Variants in MAP3K11 observed in about 807,000 individuals in gnomAD.
The protein encoded by MAP3K11 is SH3 domain-containing proline-rich kinase.
In MAP3K11, 46 loss-of-function variants were observed where a neutral mutation model predicts 84.9. That is an observed-to-expected ratio of 0.54 (90% CI 0.43 to 0.69). The LOEUF (loss-of-function observed/expected upper bound fraction) is 0.69. Among genes scored for constraint, MAP3K11 ranks in the 30% least tolerant of loss-of-function variants. MAP3K11 has a pLI of 0.00. For missense variants in MAP3K11, 1,053 were observed against 1,198.3 expected, an observed-to-expected ratio of 0.88 and a Z score of 1.79; for synonymous variants, 527 against 514.7, an observed-to-expected ratio of 1.02 and a Z score of -0.32.
In MAP3K11 at chr11:65,599,590, C is replaced by G. The variant is rs1854430513; in HGVS notation, c.2010G>C (p.Glu670Asp). The change falls in exon 9 of 10, where the codon GAG (glutamate) becomes GAC (aspartate). Residue 670 changes from glutamate to aspartate, a missense_variant. By Grantham distance (45) the Glu-to-Asp change is conservative. Coordinates refer to ENST00000309100, the MANE Select transcript of MAP3K11 (RefSeq NM_002419.4). ...DLQPPGGPGR[E>D]RGESPTTPPT... ...GGGGTGTTGTCGGGGACTCCCCGCG[C>G]TCGCGTCCTGGGCCTCCCGGCGGCT... 6.6e-6 allele frequency: 10 copies of G among 1,523,334 alleles called. No individual in the cohort carries two copies. The East Asian group carries it at 2.5e-4, about 38-fold the overall frequency. The allele number at this position is 1,523,334 out of a possible 1,614,324, so 94.4% of individuals were successfully genotyped here.
chr11:65,599,692 C>T lies in MAP3K11; in HGVS notation c.1908G>A (p.Gly636=), dbSNP rs910636137. 3 of 1,569,552 alleles carry T rather than the reference C, an allele frequency of 1.9e-6. No homozygotes were observed. The highest frequency in any genetic ancestry group is 2.6e-6 in the Non-Finnish European group (3 of 1,164,662). ...PVPAERGSSS[G]TPKLIQRALL... ...GCGCCCGCTGGATCAGCTTGGGCGT[C>T]CCAGAGCTGCTACCGCGCTCTGCGG... is the stretch of plus-strand genomic sequence containing the variant. The change falls in exon 9 of 10, where the codon GGG becomes GGA. Residue 636 remains glycine (G), a synonymous_variant. Coordinates refer to ENST00000309100, the MANE Select transcript of MAP3K11 (RefSeq NM_002419.4).
At chr11:65,601,755 C>CAA (rs34686164) in intron 8 of MAP3K11, among the ~76,000 whole-genome samples, 9 of 125,996 alleles carry the variant, frequency 7.1e-5, no homozygotes, top group African/African-American at 2.5e-4. Context: ...GACTCCGTCT[C>CAA]AAAAAAAAAA....
chr11:65,603,564 C>T (rs542251581), intron 8 of MAP3K11, among the ~76,000 whole-genome samples: 18 of 152,344 alleles, frequency 1.2e-4, no homozygotes, highest in Non-Finnish European at 1.9e-4. Flanking sequence ...TGGCTTATGC[C>T]GGGGACCATC....
chr11:65,602,137 AG>A (rs1854462445), intron 8 of MAP3K11, among the ~76,000 whole-genome samples: 1 of 140,476 alleles, frequency 7.1e-6, no homozygotes, highest in Admixed American at 7.5e-5. Context: ...CAGGAGGCGG[AG>A]GTTACAGTGA....
Position 65,598,192 on chromosome 11 carries a change from G to T in MAP3K11, c.*99C>A. The stretch of plus-strand genomic sequence containing the variant: ...CCCAAAGGGGGGTGGGGTCCCTGGG[G>T]AAACTGAGGCAGCTGCAGAGGCTGA... On this transcript the variant is annotated 3_prime_UTR_variant, in exon 10 of 10. Coordinates refer to ENST00000309100, the MANE Select transcript of MAP3K11 (RefSeq NM_002419.4). 9.3e-7 allele frequency: 1 copy of T among 1,071,730 alleles called. No homozygotes were observed. Among genetic ancestry groups the T allele is most frequent in the Non-Finnish European group, 1.2e-6 (1 of 806,496 alleles). 66.4% of individuals were successfully genotyped at this position (1,071,730 alleles called of 1,614,324 possible).
intron 8 of MAP3K11, among the ~76,000 whole-genome samples, chr11:65,604,956 T>G (rs1418366614): frequency 6.6e-6 from 1 of 152,170 alleles, no homozygotes; most frequent in Admixed American, 6.5e-5. Flanking sequence ...GCTGGAGCCC[T>G]GCCTTCTGCC....
In MAP3K11 at chr11:65,607,463, C is replaced by A; in HGVS notation, c.1296G>T (p.Arg432=). ...GCCGCCGCAGCTGCTCCGCCTGTGA[C>A]CGCTGCTCGCGCGCCGCTCGCGTCA... ...EELTRAAREQ[R]SQAEQLRRRE... is the part of the protein sequence containing the mutation. Residue 432 remains arginine, a synonymous_variant, in exon 5 of 10, where the codon CGG becomes CGT. Transcript: ENST00000309100. 6.4e-7 allele frequency: 1 copy of A among 1,552,904 alleles called. No homozygotes were observed. The highest frequency in any genetic ancestry group is 1.9e-5 in the Admixed American group (1 of 51,642).
chr11:65,606,788 G>A lies in MAP3K11; in HGVS notation c.1506C>T (p.Ile502=). The A allele has an allele frequency of 6.2e-7, 1 of 1,605,822 alleles. No individual in the cohort carries two copies. The highest frequency in any genetic ancestry group is 8.5e-7 in the Non-Finnish European group (1 of 1,175,938). ...ISMPLDFKHR[I]TVQASPGLDR... Reference sequence around the variant, plus strand: ...CAAGGCCGGGTGAGGCCTGCACGGTGATGCGGTGCTTGAAGTCTGGGATTT... The same window carrying A: ...CAAGGCCGGGTGAGGCCTGCACGGTAATGCGGTGCTTGAAGTCTGGGATTT... The change falls in exon 6 of 10, where the codon ATC becomes ATT. Residue 502 remains isoleucine, a synonymous_variant. Transcript: ENST00000309100.
Position 65,605,966 on chromosome 11 carries a change from A to T in MAP3K11, c.1719T>A (p.Pro573=). 1 of 1,602,348 alleles carries T rather than the reference A, an allele frequency of 6.2e-7. No individual in the cohort carries two copies. Among genetic ancestry groups the T allele is most frequent in the Non-Finnish European group, 8.5e-7 (1 of 1,176,222 alleles). The part of the protein sequence containing the change: ...CWAWGPSSPK[P]GEAQNGRRRS... ...CTCACCTCCCATTCTGGGCTTCCCC[A>T]GGCTTGGGGGAACTGGGACCCCAAG... Residue 573 remains proline, a synonymous_variant, in exon 7 of 10, where the codon CCT becomes CCA. Transcript: ENST00000309100.
In MAP3K11 at chr11:65,598,155, G is replaced by A. The variant is rs1421093776; in HGVS notation, c.*136C>T. ...GTGTGAAGGCTTCCTGTGCAGTGTAGTGTTCCTGACCCCCAAAGGGGGGTG... is the reference window on the plus strand; with the variant it reads ...GTGTGAAGGCTTCCTGTGCAGTGTAATGTTCCTGACCCCCAAAGGGGGGTG... On this transcript the variant is annotated 3_prime_UTR_variant, in exon 10 of 10. Coordinates refer to ENST00000309100, the MANE Select transcript of MAP3K11 (RefSeq NM_002419.4). The A allele has an allele frequency of 7.8e-6, 5 of 644,074 alleles. No individual in the cohort carries two copies. The African/African-American group carries it at 9.3e-5, about 12-fold the overall frequency. The allele number at this position is 644,074 out of a possible 1,614,324, so 39.9% of individuals were successfully genotyped here. A position where few individuals can be genotyped will look rare whatever the true frequency, so the allele number is the denominator to read the frequency against.
In MAP3K11 at chr11:65,605,760, C is replaced by A; in HGVS notation, c.1831+1G>T. 1 of 1,600,290 alleles carries A rather than the reference C, an allele frequency of 6.2e-7. No homozygotes were observed. The highest frequency in any genetic ancestry group is 8.5e-7 in the Non-Finnish European group (1 of 1,174,156). ...CCTGCCGGGGGAGGAAGGCCACTCA[C>A]CATTGAGTGCTGGGGGTGTGGAAGG... On this transcript the variant is annotated splice_donor_variant, in intron 8 of 9. Coordinates refer to ENST00000309100, the MANE Select transcript of MAP3K11 (RefSeq NM_002419.4). LOFTEE classifies it high-confidence loss of function.
intron 1 of MAP3K11, chr11:65,612,655 C>A: frequency 1.0e-5 from 2 of 194,104 alleles, no homozygotes; most frequent in South Asian, 3.6e-4. Context: ...ACCAACTCCA[C>A]GAACATGAAT....
At chr11:65,605,483 G>T in intron 8 of MAP3K11, 1 of 326,068 alleles carries the variant, frequency 3.1e-6, no homozygotes, top group Non-Finnish European at 5.6e-6. Flanking sequence ...CTGCCATGGG[G>T]CCAGGGAAGA....
Position 65,598,363 on chromosome 11 carries a change from GC to G in MAP3K11, c.2471del (p.Gly824AlafsTer123), listed in dbSNP as rs60500255. The G allele has an allele frequency of 3.9e-6, 6 of 1,539,916 alleles. No homozygotes were observed. The highest frequency in any genetic ancestry group is 2.0e-5 in the Admixed American group (1 of 51,042). On this transcript the variant is annotated frameshift_variant, in exon 10 of 10. Coordinates refer to ENST00000309100, the MANE Select transcript of MAP3K11 (RefSeq NM_002419.4). LOFTEE classifies it high-confidence loss of function. ...TGGTCTGTGCCCTGCAGTCCTGGGG[GC>G]CCCCCTGGAAGGGGTTGGCAGGTGG... ...DSPPANPFQGGPQDCRAQTKD... is the reference protein window; with the variant it reads ...DSPPANPFQGXPQDCRAQTKD...
At position 65,607,254 on chromosome 11, in the gene MAP3K11, G is replaced by A. The variant is rs1293464965; in HGVS notation, c.1489+16C>T. On this transcript the variant is annotated intron_variant, in intron 5 of 9. Coordinates refer to ENST00000309100, the MANE Select transcript of MAP3K11 (RefSeq NM_002419.4). ...CGCAGCCAATGGCGGGGGACGCCCC[G>A]GGGCCCGGCCCTCACCGAGTGGCAT... The A allele has an allele frequency of 1.4e-5, 20 of 1,478,882 alleles. No homozygotes were observed. Among genetic ancestry groups the A allele is most frequent in the Non-Finnish European group, 1.8e-5 (20 of 1,125,258 alleles). 91.6% of individuals were successfully genotyped at this position (1,478,882 alleles called of 1,614,324 possible). A position where few individuals can be genotyped will look rare whatever the true frequency, so the allele number is the denominator to read the frequency against.
chr11:65,605,919 G>A lies in MAP3K11; in HGVS notation c.1739+27C>T, dbSNP rs774329524. 9 of 1,607,902 alleles carry A rather than the reference G, an allele frequency of 5.6e-6. 1 individual carries two copies. The South Asian group carries it at 8.8e-5, about 16-fold the overall frequency. Reference sequence around the variant, plus strand: ...GGACTTGGGGAAAGCAAATGATGCTGGGTCTGGGGGGCACTCAGGTACTCA... The same window carrying A: ...GGACTTGGGGAAAGCAAATGATGCTAGGTCTGGGGGGCACTCAGGTACTCA... On this transcript the variant is annotated intron_variant, in intron 7 of 9. Transcript: ENST00000309100.
Position 65,599,472 on chromosome 11 carries a change from C to A in MAP3K11, c.2128G>T (p.Ala710Ser). Residue 710 changes from alanine (A) to serine (S), a missense_variant, in exon 9 of 10, where the codon GCA (alanine) becomes TCA (serine). Ala to Ser is a moderately conservative substitution (Grantham distance 99, BLOSUM62 1). Around this residue, in one of 3 missense-constraint regions of MAP3K11, gnomAD observed 583 missense variants for 566.6 expected, o/e 1.03. Coordinates refer to ENST00000309100, the MANE Select transcript of MAP3K11 (RefSeq NM_002419.4). Reference sequence around the variant, plus strand: ...ATACCCAGGTCCAGCAACAGGGGTGCAGGAGTGGGCGGGGAGTCGGGCGTC... The same window carrying A: ...ATACCCAGGTCCAGCAACAGGGGTGAAGGAGTGGGCGGGGAGTCGGGCGTC... ...LKTPDSPPTP[A>S]PLLLDLGIPV... 1 of 1,507,764 alleles carries A rather than the reference C, an allele frequency of 6.6e-7. No homozygotes were observed. Among genetic ancestry groups the A allele is most frequent in the Non-Finnish European group, 8.8e-7 (1 of 1,136,250 alleles). 93.4% of individuals were successfully genotyped at this position (1,507,764 alleles called of 1,614,324 possible).
At chr11:65,607,129 T>G (rs1327877069) in intron 5 of MAP3K11, 141 bp downstream of exon 5, 2 of 1,185,478 alleles carry the variant, frequency 1.7e-6, no homozygotes, top group Admixed American at 7.7e-5. Context: ...AAAACACTCC[T>G]GGCTCCACCC....
At chr11:65,604,857 C>T (rs544600174) in intron 8 of MAP3K11, among the ~76,000 whole-genome samples, 1 of 152,116 alleles carries the variant, frequency 6.6e-6, no homozygotes, top group Admixed American at 6.6e-5. Flanking sequence ...TAGGTTGGCA[C>T]AGGGACCCAC....
Sources: gnomAD v4.1 joint callset for allele counts (sites outside exome capture counted in the v4.1 genomes callset) on GRCh38, gnomAD v4.1.1 for gene constraint, gnomAD v4.1.1 regional missense constraint, MANE v1.5 for transcripts, NCBI Gene and HGNC (gene_info 2026-07-23, HGNC 2026-07-21) for gene names.